CDKL4: variants seen among roughly 807,000 people sequenced by gnomAD.
CDKL4 encodes the protein cyclin-dependent kinase-like 4.
CDKL4 carries 44 observed loss-of-function variants against 42.0 expected under a neutral mutation model. The ratio of observed to expected loss-of-function variants is 1.05; its 90% CI spans 0.82 to 1.35. The LOEUF is 1.35. CDKL4 is among the 40% of genes most tolerant of loss of function. The probability of loss-of-function intolerance (pLI) is 0.00; values close to 1 mark genes in which losing one functional copy is unlikely to be tolerated. For synonymous variants in CDKL4, 120 were observed against 121.6 expected (o/e 0.99, Z 0.09); for missense variants, 393 against 369.9 (o/e 1.06, Z -0.51).
At chr2:39,180,967 G>A (rs922013618) in intron 8 of CDKL4, among the ~76,000 whole-genome samples, 4 of 152,158 alleles carry the variant, frequency 2.6e-5, no homozygotes, top group Non-Finnish European at 4.4e-5. Flanking sequence ...GACTACAGGC[G>A]TGAGCCACTG....
chr2:39,172,343 A>G (rs1675024323), downstream of CDKL4, among the ~76,000 whole-genome samples: 1 of 152,040 alleles, frequency 6.6e-6, no homozygotes, highest in Non-Finnish European at 1.5e-5. Flanking sequence ...GAAAAAGAAA[A>G]AGAAAAAAAG....
At chr2:39,206,139 C>T (rs1044111682) in intron 4 of CDKL4, among the ~76,000 whole-genome samples, 22 of 151,962 alleles carry the variant, frequency 1.4e-4, no homozygotes, top group African/African-American at 5.3e-4. Context: ...CTGCAACCTC[C>T]GCCCCCCGGG....
chr2:39,180,909 G>C (rs943989266), intron 8 of CDKL4, among the ~76,000 whole-genome samples: 4 of 152,086 alleles, frequency 2.6e-5, no homozygotes. Flanking sequence ...GGCGGGTCTC[G>C]AACTCCTGAC....
chr2:39,243,659 G>T (rs1275018644), intron 1 of CDKL4, among the ~76,000 whole-genome samples: 1 of 152,066 alleles, frequency 6.6e-6, no homozygotes, highest in East Asian at 1.9e-4. Context: ...CACCATTTCC[G>T]CCCCGAGGGA....
In CDKL4 at chr2:39,220,953, T is replaced by A. The variant is rs1417871790; in HGVS notation, c.290+4886A>T. ...ATTATCTCACCATCCCATGGCTCAA[T>A]CCGCATTCACTACATCGACGATCTT... On this transcript the variant is annotated intron_variant, in intron 3 of 9. Coordinates refer to ENST00000451199, the Ensembl canonical transcript of CDKL4. Among the ~76,000 whole-genome samples, 10 of 125,948 alleles carry A rather than the reference T, an allele frequency of 7.9e-5. No individual in the cohort carries two copies. The East Asian group carries it at 2.7e-3, about 34-fold the overall frequency. The allele number at this position is 125,948 out of a possible 152,430, so 82.6% of individuals were successfully genotyped here.
intron 3 of CDKL4, among the ~76,000 whole-genome samples, chr2:39,220,914 C>T (rs1289992481): frequency 1.7e-5 from 2 of 120,736 alleles, no homozygotes; most frequent in Non-Finnish European, 3.4e-5. Context: ...GTAATTTAGT[C>T]GTTGGGTCCC....
At chr2:39,179,219 G>T (rs201931652) in exon 9 of CDKL4, 8 of 1,613,030 alleles carry the variant, frequency 5.0e-6, no homozygotes, top group Non-Finnish European at 6.8e-6. Flanking sequence ...CCTTCATTAC[G>T]TGCTTTTCTT....
chr2:39,196,765 G>A (rs1188753294), intron 5 of CDKL4, among the ~76,000 whole-genome samples: 2 of 152,018 alleles, frequency 1.3e-5, no homozygotes, highest in African/African-American at 2.4e-5. Flanking sequence ...GTGCTGCCAC[G>A]CCCGGCTAAT....
chr2:39,215,923 C>T (rs189477270), intron 3 of CDKL4, among the ~76,000 whole-genome samples: 2 of 152,222 alleles, frequency 1.3e-5, no homozygotes, highest in East Asian at 3.9e-4. Context: ...TGTCTATTTC[C>T]AGCACTGAAT....
At chr2:39,172,375 A>G (rs1413960884), downstream of CDKL4, among the ~76,000 whole-genome samples, 1 of 152,124 alleles carries the variant, frequency 6.6e-6, no homozygotes, top group African/African-American at 2.4e-5. Context: ...TTTGGGAACC[A>G]GATGCTGAAG....
chr2:39,220,738 C>T (rs1396560544), intron 3 of CDKL4, among the ~76,000 whole-genome samples: 1 of 151,932 alleles, frequency 6.6e-6, no homozygotes, highest in Non-Finnish European at 1.5e-5. Flanking sequence ...GCACCTGCCA[C>T]CACGCCTGGC....
At chr2:39,226,924 G>A (rs1678782700) in intron 2 of CDKL4, among the ~76,000 whole-genome samples, 1 of 152,054 alleles carries the variant, frequency 6.6e-6, no homozygotes, top group Non-Finnish European at 1.5e-5. Context: ...GTGCTACCAC[G>A]CCTGGCTAAT....
chr2:39,190,430 G>T (rs1558551563), exon 6 of CDKL4: 3 of 1,613,960 alleles, frequency 1.9e-6, no homozygotes, highest in Admixed American at 1.7e-5. Flanking sequence ...ACCATACTGA[G>T]TATCTCCCAC....
intron 2 of CDKL4, among the ~76,000 whole-genome samples, chr2:39,227,395 A>G (rs1678817201): frequency 6.6e-6 from 1 of 152,224 alleles, no homozygotes; most frequent in African/African-American, 2.4e-5. Context: ...TAACGTAAGC[A>G]TGGCTTGACC....
chr2:39,218,890 T>C (rs1275194103), intron 3 of CDKL4, among the ~76,000 whole-genome samples: 1 of 152,170 alleles, frequency 6.6e-6, no homozygotes, highest in Non-Finnish European at 1.5e-5. Context: ...TCAATACCAA[T>C]AATAAATTTC....
At chr2:39,247,067 C>T (rs540394981), upstream of CDKL4, among the ~76,000 whole-genome samples, 25 of 152,296 alleles carry the variant, frequency 1.6e-4, no homozygotes, top group African/African-American at 6.0e-4. Context: ...ATACTACTTA[C>T]TTCCGTTTGC....
intron 4 of CDKL4, among the ~76,000 whole-genome samples, chr2:39,207,380 G>A (rs938809819): frequency 6.6e-6 from 1 of 151,806 alleles, no homozygotes; most frequent in Non-Finnish European, 1.5e-5. Context: ...GTGAGACCCT[G>A]TCTCAAAAAA....
At chr2:39,176,180 A>G in intron 9 of CDKL4, 84 bp from the exon 10 acceptor site, 1 of 393,176 alleles carries the variant, frequency 2.5e-6, no homozygotes, top group Non-Finnish European at 5.2e-6. Flanking sequence ...TGATAAGACA[A>G]GCAGATACTT....
chr2:39,194,080 A>G (rs1676362212), intron 5 of CDKL4, among the ~76,000 whole-genome samples: 1 of 152,186 alleles, frequency 6.6e-6, no homozygotes, highest in Admixed American at 6.5e-5. Context: ...TTAAAGATAC[A>G]AAGGGCACTT....
Sources: gnomAD v4.1 joint callset for allele counts (sites outside exome capture counted in the v4.1 genomes callset) on GRCh38, gnomAD v4.1.1 for gene constraint, MANE v1.5 for transcripts, NCBI Gene and HGNC (gene_info 2026-07-23, HGNC 2026-07-21) for gene names.